Variants in ANKRD30A observed in about 807,000 individuals in gnomAD.
ANKRD30A encodes the protein ankyrin repeat domain 30A, also known as ankyrin repeat domain-containing protein 30A.
ANKRD30A carries 170 observed loss-of-function variants against 166.3 expected under a neutral mutation model. That is an observed-to-expected ratio of 1.02 (90% confidence interval 0.90 to 1.16). The LOEUF (loss-of-function observed/expected upper bound fraction) is 1.16. Among genes scored for constraint, ANKRD30A ranks in the 50% most tolerant of loss-of-function variants. The pLI, the probability that ANKRD30A is intolerant of heterozygous loss-of-function variation, is 0.00. For missense variants in ANKRD30A, 1,630 were observed against 1,518.0 expected, an observed-to-expected ratio of 1.07 and a Z score of -1.23; for synonymous variants, 564 against 508.9, an observed-to-expected ratio of 1.11 and a Z score of -1.46.
the ANKRD30A span, among the ~76,000 whole-genome samples, chr10:37,245,119 CTTAA>C: frequency 3.9e-5 from 6 of 152,100 alleles, no homozygotes; most frequent in Non-Finnish European, 7.4e-5. Context: ...GTCTTATTAA[CTTAA>C]TTAATTTTAA....
chr10:37,191,889 G>A (rs1032151796), intron 25 of ANKRD30A, among the ~76,000 whole-genome samples: 26 of 152,090 alleles, frequency 1.7e-4, no homozygotes, highest in Admixed American at 1.2e-3. Flanking sequence ...CAGCTACTCC[G>A]GAGGCTGAGA....
chr10:37,194,087 T>C (rs1285799936), intron 27 of ANKRD30A, among the ~76,000 whole-genome samples: 1 of 151,238 alleles, frequency 6.6e-6, no homozygotes, highest in Non-Finnish European at 1.5e-5. Flanking sequence ...TCTCAGCTAC[T>C]CTGGAGGCTG....
chr10:37,260,662 C>T, the ANKRD30A span, among the ~76,000 whole-genome samples: 10 of 152,050 alleles, frequency 6.6e-5, no homozygotes, highest in Admixed American at 2.0e-4. Context: ...TCATAAAAGT[C>T]GATTCTTCAA....
chr10:37,240,287 T>C, the ANKRD30A span, among the ~76,000 whole-genome samples: 1 of 152,134 alleles, frequency 6.6e-6, no homozygotes, highest in Non-Finnish European at 1.5e-5. Context: ...TGTGGAACTT[T>C]TAGCCTACAC....
At chr10:37,133,057 T>C (rs1252887956) in intron 4 of ANKRD30A, among the ~76,000 whole-genome samples, 1 of 152,124 alleles carries the variant, frequency 6.6e-6, no homozygotes, top group Non-Finnish European at 1.5e-5. Flanking sequence ...ATTTTGTCTT[T>C]AGGATGACTG....
chr10:37,193,758 G>A (rs891524763), intron 27 of ANKRD30A, among the ~76,000 whole-genome samples: 1 of 152,026 alleles, frequency 6.6e-6, no homozygotes, highest in Non-Finnish European at 1.5e-5. Context: ...ATTACTTGAT[G>A]ACTCTTGTCT....
intron 31 of ANKRD30A, among the ~76,000 whole-genome samples, chr10:37,212,079 G>T (rs182445084): frequency 6.6e-6 from 1 of 151,980 alleles, no homozygotes; most frequent in South Asian, 2.1e-4. Flanking sequence ...AAGTTGAATT[G>T]TCCCTTTTTA....
At chr10:37,147,662 G>A (rs571459070) in intron 9 of ANKRD30A, among the ~76,000 whole-genome samples, 3 of 152,266 alleles carry the variant, frequency 2.0e-5, no homozygotes, top group Admixed American at 2.0e-4. Flanking sequence ...CGAATTATTT[G>A]TTTGAATCCA....
At chr10:37,138,004 C>T (rs760053333) in intron 6 of ANKRD30A, among the ~76,000 whole-genome samples, 7 of 152,134 alleles carry the variant, frequency 4.6e-5, no homozygotes, top group African/African-American at 1.4e-4. Context: ...ACACCTCACA[C>T]GCCCGGGTAC....
At chr10:37,232,654 T>TATATATA (rs71007625), downstream of ANKRD30A, 30 of 54,200 alleles carry the variant, frequency 5.5e-4, 2 homozygotes, top group Middle Eastern at 0.012. Context: ...AGCATTGGTT[T>TATATATA]TATATATATA....
At chr10:37,179,012 A>C (rs1212489484) in intron 24 of ANKRD30A, among the ~76,000 whole-genome samples, 1 of 126,204 alleles carries the variant, frequency 7.9e-6, no homozygotes, top group Non-Finnish European at 1.7e-5. Context: ...ATGAGGCGTC[A>C]AATATATATA....
At chr10:37,263,816 A>G in the ANKRD30A span, among the ~76,000 whole-genome samples, 3 of 152,110 alleles carry the variant, frequency 2.0e-5, no homozygotes, top group South Asian at 4.1e-4. Flanking sequence ...GCCCTAAGAG[A>G]CAGTGGCAAT....
chr10:37,232,904 A>C (rs544517435), downstream of ANKRD30A, among the ~76,000 whole-genome samples: 89 of 149,800 alleles, frequency 5.9e-4, no homozygotes, highest in African/African-American at 2.1e-3. Context: ...AAAAAAAAAA[A>C]AAACAAAATA....
At chr10:37,199,553 A>G (rs1342248100) in intron 29 of ANKRD30A, among the ~76,000 whole-genome samples, 174 bp from the exon 30 acceptor site, 3 of 152,064 alleles carry the variant, frequency 2.0e-5, no homozygotes, top group Non-Finnish European at 4.4e-5. Flanking sequence ...GACTTTTCAG[A>G]TTTCAATTCT....
At chr10:37,167,236 T>C (rs2132614935) in intron 19 of ANKRD30A, among the ~76,000 whole-genome samples, 1 of 148,744 alleles carries the variant, frequency 6.7e-6, no homozygotes, top group East Asian at 2.0e-4. Context: ...TTACTAGAAT[T>C]GGACTAAACC....
the ANKRD30A span, among the ~76,000 whole-genome samples, chr10:37,254,295 G>A: frequency 6.6e-6 from 1 of 152,132 alleles, no homozygotes; most frequent in East Asian, 1.9e-4. Context: ...CCACCTCACA[G>A]TTTTCCAAAG....
chr10:37,232,693 T>TATAA (rs1491500759), downstream of ANKRD30A: 11 of 9,124 alleles, frequency 1.2e-3, 2 homozygotes, highest in Non-Finnish European at 2.5e-3. Context: ...TATATATATA[T>TATAA]AAATAGAGAG....
At chr10:37,178,850 T>G (rs1839940909) in intron 24 of ANKRD30A, among the ~76,000 whole-genome samples, 1 of 150,798 alleles carries the variant, frequency 6.6e-6, no homozygotes, top group Admixed American at 6.6e-5. Flanking sequence ...TTGGATTTTC[T>G]ATGAAGGAAA....
the ANKRD30A span, among the ~76,000 whole-genome samples, chr10:37,254,019 A>G: frequency 2.0e-4 from 30 of 152,302 alleles, no homozygotes; most frequent in African/African-American, 7.0e-4. Context: ...TTTATGACCT[A>G]ATAAGTTTGT....
Sources: gnomAD v4.1 joint callset for allele counts (sites outside exome capture counted in the v4.1 genomes callset) on GRCh38, gnomAD v4.1.1 for gene constraint, MANE v1.5 for transcripts, NCBI Gene and HGNC (gene_info 2026-07-23, HGNC 2026-07-21) for gene names.